Variants in ANKS1B observed in about 807,000 individuals in gnomAD.
ANKS1B encodes ankyrin repeat and sterile alpha motif domain containing 1B.
ANKS1B carries 36 observed loss-of-function variants against 148.3 expected under a neutral mutation model. The ratio of observed to expected loss-of-function variants is 0.24; its 90% confidence interval spans 0.19 to 0.32. ANKS1B has a LOEUF of 0.32. Ranked by LOEUF, ANKS1B falls within the 10% of genes least tolerant of loss-of-function variation. The pLI is 1.00. For synonymous variants in ANKS1B, 542 were observed against 560.8 expected (o/e 0.97, Z 0.47); for missense variants, 1,157 against 1,542.6 (o/e 0.75, Z 4.19).
rs531901510 is a variant in ANKS1B at position 98,920,892 on chromosome 12, A to G, written c.2779-88756T>C. 3.3e-5 allele frequency among the ~76,000 whole-genome samples: 5 copies of G among 152,370 alleles called. No individual in the cohort carries two copies. The South Asian group carries it at 1.0e-3, about 32-fold the overall frequency. The stretch of plus-strand genomic sequence containing the variant: ...AGGGTGAAGTAAATTAAATTCCACA[A>G]GAGTTAGAAAATAATTTAATCAGCT... On this transcript the variant is annotated intron_variant, in intron 17 of 26. Transcript: ENST00000683438.
intron 9 of ANKS1B, among the ~76,000 whole-genome samples, chr12:98,736,566 C>T (rs1319473810): frequency 6.6e-6 from 1 of 152,126 alleles, no homozygotes; most frequent in Non-Finnish European, 1.5e-5. Flanking sequence ...AAAGCTCCAC[C>T]AGGAGGTAGA....
intron 9 of ANKS1B, among the ~76,000 whole-genome samples, chr12:99,593,014 A>C (rs963569347): frequency 5.3e-5 from 8 of 152,166 alleles, no homozygotes. Flanking sequence ...TATGGAGACC[A>C]AAGTTTTATT....
At chr12:99,470,151 G>A (rs1259249982) in intron 10 of ANKS1B, among the ~76,000 whole-genome samples, 1 of 150,876 alleles carries the variant, frequency 6.6e-6, no homozygotes, top group Non-Finnish European at 1.5e-5. Context: ...AAGTTTTCAT[G>A]AAAAAAAGAA....
chr12:99,738,069 T>C (rs577091927), intron 8 of ANKS1B, among the ~76,000 whole-genome samples: 1 of 152,296 alleles, frequency 6.6e-6, no homozygotes, highest in Non-Finnish European at 1.5e-5. Context: ...CATTTAATCA[T>C]TACAGAATGC....
At chr12:99,043,480 A>G (rs1219366664) in intron 17 of ANKS1B, among the ~76,000 whole-genome samples, 1 of 152,222 alleles carries the variant, frequency 6.6e-6, no homozygotes, top group African/African-American at 2.4e-5. Context: ...AGGGTTCAGT[A>G]ACTTGCCCTG....
chr12:99,974,197 CAT>C (rs1338408110), intron 1 of ANKS1B, among the ~76,000 whole-genome samples: 2 of 152,198 alleles, frequency 1.3e-5, no homozygotes, highest in Non-Finnish European at 2.9e-5. Context: ...CTCAAATGAT[CAT>C]TAGCATTTTT....
intron 17 of ANKS1B, among the ~76,000 whole-genome samples, chr12:98,895,645 A>G (rs1160737473): frequency 6.6e-6 from 1 of 152,162 alleles, no homozygotes; most frequent in African/African-American, 2.4e-5. Flanking sequence ...CAGAGCGGGT[A>G]TGATCGGCCT....
Position 99,176,876 on chromosome 12 carries a change from C to T in ANKS1B, c.2420-22481G>A, listed in dbSNP as rs553378012. Among the ~76,000 whole-genome samples, 36 of 152,298 alleles carry T rather than the reference C, an allele frequency of 2.4e-4. No individual in the cohort carries two copies. In the South Asian group the frequency reaches 6.8e-3, roughly 29 times the overall value. ...AGATGCCAGCACCCTGCTTCCTGTACAGCCTGCAGAGCCATGCGCCAATTA... is the reference window on the plus strand; with the variant it reads ...AGATGCCAGCACCCTGCTTCCTGTATAGCCTGCAGAGCCATGCGCCAATTA... On this transcript the variant is annotated intron_variant, in intron 14 of 26. Coordinates refer to ENST00000683438, the MANE Select transcript of ANKS1B (RefSeq NM_001352186.2).
intron 24 of ANKS1B, among the ~76,000 whole-genome samples, chr12:98,776,655 C>G (rs1034157571): frequency 6.6e-6 from 1 of 152,192 alleles, no homozygotes; most frequent in Admixed American, 6.5e-5. Context: ...GCTTAGAAAT[C>G]TGCCTCTCGC....
At chr12:99,726,294 A>C (rs2058611291) in intron 8 of ANKS1B, among the ~76,000 whole-genome samples, 1 of 152,224 alleles carries the variant, frequency 6.6e-6, no homozygotes, top group South Asian at 2.1e-4. Flanking sequence ...AAAAACGATA[A>C]AGGGGATATT....
intron 1 of ANKS1B, among the ~76,000 whole-genome samples, chr12:99,894,230 G>A (rs1346117887): frequency 7.5e-6 from 1 of 133,232 alleles, no homozygotes; most frequent in Non-Finnish European, 1.6e-5. Flanking sequence ...ACCAGCTTGG[G>A]CAACATAGGG....
In ANKS1B at chr12:99,935,967, T is replaced by G. The variant is rs112954815; in HGVS notation, c.134+48137A>C. Among the ~76,000 whole-genome samples the G allele has an allele frequency of 4.8e-4, 73 of 152,278 alleles. 2 individuals carry two copies. The highest frequency in any genetic ancestry group is 1.7e-3 in the African/African-American group (69 of 41,548). On this transcript the variant is annotated intron_variant, in intron 1 of 26. Transcript: ENST00000683438. ...TGAGGCCTCAGGAAACTTACAATCA[T>G]GGCAGAAGGCACCTCCTCACAGGGC...
chr12:99,055,888 AAAAAT>A (rs886138970), intron 16 of ANKS1B, among the ~76,000 whole-genome samples: 4 of 152,240 alleles, frequency 2.6e-5, no homozygotes, highest in Admixed American at 6.5e-5. Context: ...TGGAAAATAA[AAAAAT>A]AAAATAAAAC....
intron 9 of ANKS1B, among the ~76,000 whole-genome samples, chr12:99,535,901 T>A (rs1197694340): frequency 1.3e-5 from 2 of 152,166 alleles, no homozygotes; most frequent in Non-Finnish European, 2.9e-5. Context: ...GTGAAAACAG[T>A]TAACATTGTG....
At chr12:99,065,606 C>T (rs1475456370) in intron 16 of ANKS1B, among the ~76,000 whole-genome samples, 19 of 128,388 alleles carry the variant, frequency 1.5e-4, no homozygotes. Context: ...ATCCATCCAT[C>T]CATCCATCCA....
chr12:98,798,123 A>T (rs867933117), intron 22 of ANKS1B, among the ~76,000 whole-genome samples: 1 of 143,014 alleles, frequency 7.0e-6, no homozygotes, highest in Non-Finnish European at 1.5e-5. Flanking sequence ...TGGAATTGCC[A>T]TTTTTTTTTT....
chr12:98,800,596 T>A (rs1012302534), intron 21 of ANKS1B, among the ~76,000 whole-genome samples: 1 of 151,108 alleles, frequency 6.6e-6, no homozygotes, highest in Non-Finnish European at 1.5e-5. Context: ...ATCCTATTGA[T>A]GACAGTGAAA....
At chr12:99,136,686 CA>C (rs2068194018) in intron 15 of ANKS1B, among the ~76,000 whole-genome samples, 1 of 152,078 alleles carries the variant, frequency 6.6e-6, no homozygotes, top group African/African-American at 2.4e-5. Flanking sequence ...AGATAACCAC[CA>C]GAAGGACTAA....
chr12:99,113,921 T>C (rs1345483691), intron 15 of ANKS1B, among the ~76,000 whole-genome samples: 1 of 152,224 alleles, frequency 6.6e-6, no homozygotes, highest in Non-Finnish European at 1.5e-5. Context: ...TCTTTAGTTA[T>C]ACCTATAGTC....
Sources: allele counts gnomAD v4.1 joint callset (sites outside exome capture counted in the v4.1 genomes callset), GRCh38; gene constraint gnomAD v4.1.1; transcripts MANE v1.5; gene names NCBI Gene and HGNC (gene_info 2026-07-23, HGNC 2026-07-21).